MLXIP: variants seen among roughly 807,000 people sequenced by gnomAD.
MLXIP encodes the protein MLX interacting protein, also known as MLX-interacting protein.
MLXIP carries 30 observed loss-of-function variants against 87.2 expected under a neutral mutation model. The ratio of observed to expected loss-of-function variants is 0.34; its 90% CI spans 0.26 to 0.47. MLXIP has a LOEUF of 0.47. MLXIP is among the 20% of genes least tolerant of loss of function. The pLI is 1.00. For synonymous variants in MLXIP, 530 were observed against 514.0 expected (o/e 1.03, Z -0.42); for missense variants, 1,002 against 1,240.1 (o/e 0.81, Z 2.88).
In MLXIP at chr12:122,132,398, G is replaced by C. The variant is rs1324939216; in HGVS notation, c.1092+15G>C. On this transcript the variant is annotated intron_variant, in intron 8 of 16. Coordinates refer to ENST00000319080, the MANE Select transcript of MLXIP (RefSeq NM_014938.6). The stretch of plus-strand genomic sequence containing the variant: ...CACCTGCACAGGTAGAGGAAGCTGG[G>C]GGATGGGTGGGGGAAGGGGCTGGCA... 1 of 1,594,244 alleles carries C rather than the reference G, an allele frequency of 6.3e-7. No individual in the cohort carries two copies. Among genetic ancestry groups the C allele is most frequent in the Non-Finnish European group, 8.6e-7 (1 of 1,167,078 alleles).
In MLXIP at chr12:122,143,448, C is replaced by T. The variant is rs751797869; in HGVS notation, c.*1636C>T. On this transcript the variant is annotated 3_prime_UTR_variant, in exon 17 of 17. Transcript: ENST00000319080. ...TTTACAGGCTTTCCAGATCACCTTC[C>T]TGTGGGGTGAACGTAATGAGGCGGG... 2 of 152,354 alleles carry T rather than the reference C, an allele frequency of 1.3e-5. No homozygotes were observed. Among genetic ancestry groups the T allele is most frequent in the Non-Finnish European group, 2.9e-5 (2 of 68,126 alleles). The allele number at this position is 152,354 out of a possible 1,614,324, so 9.4% of individuals were successfully genotyped here. A position where few individuals can be genotyped will look rare whatever the true frequency, so the allele number is the denominator to read the frequency against.
chr12:122,138,238 C>T lies in MLXIP; in HGVS notation c.2199C>T (p.Phe733=), dbSNP rs539647583. 6.2e-7 allele frequency: 1 copy of T among 1,612,582 alleles called. No individual in the cohort carries two copies. Among genetic ancestry groups the T allele is most frequent in the Non-Finnish European group, 8.5e-7 (1 of 1,179,332 alleles). Residue 733 remains phenylalanine, a synonymous_variant, in exon 13 of 17, where the codon TTC becomes TTT. Transcript: ENST00000319080. ...KHISAEQKRR[F]NIKMCFDMLN... ...TCTCAGCTGAGCAGAAAAGGCGCTT[C>T]AACATCAAGATGTGCTTCGACATGC...
At chr12:122,088,037 C>T (rs930053503) in intron 1 of MLXIP, among the ~76,000 whole-genome samples, 1 of 152,188 alleles carries the variant, frequency 6.6e-6, no homozygotes, top group African/African-American at 2.4e-5. Context: ...GCACAAAGCT[C>T]GGCTGCCTGG....
chr12:122,139,058 G>T, intron 15 of MLXIP, 120 bp downstream of exon 15: 3 of 1,432,594 alleles, frequency 2.1e-6, no homozygotes, highest in Non-Finnish European at 2.8e-6. Context: ...AGCTCCTCAC[G>T]ACAGGCAGTG....
At position 122,146,121 on chromosome 12, in the gene MLXIP, TC is replaced by T. The variant is rs1278873350; in HGVS notation, c.*4311del. On this transcript the variant is annotated 3_prime_UTR_variant, in exon 17 of 17. Transcript: ENST00000319080. ...GGAAAGGAGGGCTGGACAGCACTGA[TC>T]CGGGCAGGCAGCGTGTGCAGCAGTG... 6.6e-6 allele frequency: 1 copy of T among 152,308 alleles called. No homozygotes were observed. Among genetic ancestry groups the T allele is most frequent in the African/African-American group, 2.4e-5 (1 of 41,390 alleles). 9.4% of individuals were successfully genotyped at this position (152,308 alleles called of 1,614,324 possible). A position where few individuals can be genotyped will look rare whatever the true frequency, so the allele number is the denominator to read the frequency against.
rs531637390 is a variant in MLXIP at position 122,086,866 on chromosome 12, G to A, written c.413+7600G>A. 5.9e-5 allele frequency among the ~76,000 whole-genome samples: 9 copies of A among 152,258 alleles called. No homozygotes were observed. In the East Asian group the frequency reaches 1.7e-3, roughly 29 times the overall value. ...TCTTCACTGTCCGGCCAGACGCCTT[G>A]AAGAGACTGACTCTCACAGGCCAGC... On this transcript the variant is annotated intron_variant, in intron 1 of 16. Transcript: ENST00000319080.
intron 8 of MLXIP, chr12:122,132,616 G>T (rs1415968617): frequency 3.9e-6 from 2 of 515,908 alleles, no homozygotes; most frequent in Non-Finnish European, 6.9e-6. Context: ...CTGCCTGAGT[G>T]CCAGGTAACC....
chr12:122,112,500 C>T (rs1261031682), intron 1 of MLXIP, among the ~76,000 whole-genome samples: 1 of 151,880 alleles, frequency 6.6e-6, no homozygotes, highest in Non-Finnish European at 1.5e-5. Context: ...AAAAAATAGC[C>T]GGACGTGGTG....
At position 122,145,603 on chromosome 12, in the gene MLXIP, G is replaced by A. The variant is rs530720260; in HGVS notation, c.*3791G>A. 5.9e-5 allele frequency: 9 copies of A among 152,578 alleles called. No individual in the cohort carries two copies. Among genetic ancestry groups the A allele is most frequent in the Non-Finnish European group, 1.0e-4 (7 of 68,238 alleles). 9.5% of individuals were successfully genotyped at this position (152,578 alleles called of 1,614,324 possible). A position where few individuals can be genotyped will look rare whatever the true frequency, so the allele number is the denominator to read the frequency against. ...AGGGGAGCTGCAGCTGAGAACTGGC[G>A]AGGCCCCTTCCTCCAAGGCCCTAGC... On this transcript the variant is annotated 3_prime_UTR_variant, in exon 17 of 17. Transcript: ENST00000319080.
intron 1 of MLXIP, among the ~76,000 whole-genome samples, chr12:122,112,504 C>T (rs976218401): frequency 2.0e-5 from 3 of 151,858 alleles, no homozygotes; most frequent in Non-Finnish European, 4.4e-5. Context: ...AATAGCCGGA[C>T]GTGGTGGTGG....
intron 1 of MLXIP, among the ~76,000 whole-genome samples, chr12:122,083,166 T>G (rs1952116211): frequency 6.6e-6 from 1 of 152,178 alleles, no homozygotes; most frequent in Admixed American, 6.5e-5. Context: ...TTTTTGTGGT[T>G]GGTTTTGGTT....
At chr12:122,116,720 C>G (rs1201704666) in intron 1 of MLXIP, among the ~76,000 whole-genome samples, 1 of 152,212 alleles carries the variant, frequency 6.6e-6, no homozygotes, top group Non-Finnish European at 1.5e-5. Flanking sequence ...AGGAGCATGC[C>G]TCACCATGCC....
At chr12:122,079,445 G>A (rs761772346) in intron 1 of MLXIP, among the ~76,000 whole-genome samples, 179 bp downstream of exon 1, 1 of 152,228 alleles carries the variant, frequency 6.6e-6, no homozygotes, top group Non-Finnish European at 1.5e-5. Context: ...CGGGGTCCTG[G>A]CCTCTTCCCC....
At chr12:122,112,786 A>G (rs567953736) in intron 1 of MLXIP, among the ~76,000 whole-genome samples, 206 of 152,346 alleles carry the variant, frequency 1.4e-3, no homozygotes, top group African/African-American at 4.8e-3. Context: ...TATTTAGGAA[A>G]TCTTACCTAA....
Position 122,078,964 on chromosome 12 carries a change from G to C in MLXIP, c.111G>C (p.Glu37Asp). 9.1e-7 allele frequency: 1 copy of C among 1,092,924 alleles called. No homozygotes were observed. Among genetic ancestry groups the C allele is most frequent in the South Asian group, 3.0e-5 (1 of 32,862 alleles). The allele number at this position is 1,092,924 out of a possible 1,614,324, so 67.7% of individuals were successfully genotyped here. A position where few individuals can be genotyped will look rare whatever the true frequency, so the allele number is the denominator to read the frequency against. Residue 37 changes from glutamate (E) to aspartate (D), a missense_variant, in exon 1 of 17, where the codon GAG becomes GAC. Coordinates refer to ENST00000319080, the MANE Select transcript of MLXIP (RefSeq NM_014938.6). Reference protein sequence around the residue: ...SEDDDDSDTDEPSPPPASGAA... With the variant: ...SEDDDDSDTDDPSPPPASGAA... ...ACGACGACGACTCGGACACGGATGA[G>C]CCGTCCCCGCCGCCCGCCTCCGGCG... is the stretch of plus-strand genomic sequence containing the variant.
intron 2 of MLXIP, 50 bp downstream of exon 2, chr12:122,127,412 T>C (rs1233687081): frequency 7.3e-7 from 1 of 1,371,252 alleles, no homozygotes; most frequent in Admixed American, 2.2e-5. Flanking sequence ...CTTCACGGCC[T>C]GGAGGCCTGG....
chr12:122,112,979 AG>A (rs1407942172), intron 1 of MLXIP, among the ~76,000 whole-genome samples: 1 of 152,240 alleles, frequency 6.6e-6, no homozygotes, highest in Non-Finnish European at 1.5e-5. Flanking sequence ...GCATAAAAAA[AG>A]GACTTCTAAA....
Position 122,133,412 on chromosome 12 carries a change from C to G in MLXIP, c.1157C>G (p.Pro386Arg). The G allele has an allele frequency of 6.2e-7, 1 of 1,610,066 alleles. No individual in the cohort carries two copies. Among genetic ancestry groups the G allele is most frequent in the Non-Finnish European group, 8.5e-7 (1 of 1,177,242 alleles). ...CTTCCTGACAGCCTCATCGCGCCCC[C>G]TACCGCCCCATCCCTGGCTCACATG... ...VSLPDSLIAPPTAPSLAHMDE... is the reference protein window; with the variant it reads ...VSLPDSLIAPRTAPSLAHMDE... Residue 386 changes from proline to arginine, a missense_variant, in exon 9 of 17, where the codon CCT becomes CGT. Pro to Arg is a moderately radical substitution (Grantham distance 103, BLOSUM62 -2). Coordinates refer to ENST00000319080, the MANE Select transcript of MLXIP (RefSeq NM_014938.6). The surrounding 1 kb of genome is among the most constrained non-coding windows in gnomAD (Gnocchi z 4.9).
In MLXIP at chr12:122,135,127, A is replaced by G. The variant is rs932330010; in HGVS notation, c.1733-97A>G. On this transcript the variant is annotated intron_variant, in intron 9 of 16. Transcript: ENST00000319080. This position sits in a 1 kb window ranked among gnomAD's most constrained non-coding sequence, Gnocchi z 5.3. ...TTTGTCTTCCTGTCCCCTGGGGTTG[A>G]GAACAAGCTGTCTCACTGGCAGAGA... is the stretch of plus-strand genomic sequence containing the variant. 6.7e-7 allele frequency: 1 copy of G among 1,488,658 alleles called. No individual in the cohort carries two copies. The highest frequency in any genetic ancestry group is 1.9e-5 in the Admixed American group (1 of 51,878). 92.2% of individuals were successfully genotyped at this position (1,488,658 alleles called of 1,614,324 possible).
Sources: allele counts gnomAD v4.1 joint callset (sites outside exome capture counted in the v4.1 genomes callset), GRCh38; gene constraint gnomAD v4.1.1; non-coding constraint Gnocchi (gnomAD v3.1); transcripts MANE v1.5; gene names NCBI Gene and HGNC (gene_info 2026-07-23, HGNC 2026-07-21).